Variants in NTN1 observed in about 807,000 individuals in gnomAD.
The protein encoded by NTN1 is netrin 1.
NTN1 carries 11 observed loss-of-function variants against 54.2 expected under a neutral mutation model. The ratio of observed to expected loss-of-function variants is 0.20; its 90% CI spans 0.13 to 0.34. The LOEUF is 0.34. Among genes scored for constraint, NTN1 ranks in the 10% least tolerant of loss-of-function variants. The pLI is 1.00. For synonymous variants in NTN1, 371 were observed against 382.0 expected, an observed-to-expected ratio of 0.97 and a Z score of 0.33; for missense variants, 740 against 893.1, an observed-to-expected ratio of 0.83 and a Z score of 2.18.
intron 2 of NTN1, among the ~76,000 whole-genome samples, chr17:9,029,887 G>A (rs2091883631): frequency 6.6e-6 from 1 of 152,020 alleles, no homozygotes; most frequent in Non-Finnish European, 1.5e-5. Flanking sequence ...AGCTACTTGG[G>A]AGGCCGAGGC....
chr17:9,229,435 G>A lies in NTN1; in HGVS notation c.1486+8193G>A, dbSNP rs77180826. Among the ~76,000 whole-genome samples, 694 of 152,032 alleles carry A rather than the reference G, an allele frequency of 4.6e-3. 8 individuals are homozygous for A. The highest frequency in any genetic ancestry group is 0.016 in the African/African-American group (659 of 41,440). ...GGATTTTCATTCCTGTCAATAGGAC[G>A]CTGAGACTCAACAAGATAAAATACT... is the stretch of plus-strand genomic sequence containing the variant. On this transcript the variant is annotated intron_variant, in intron 6 of 6. Transcript: ENST00000173229.
intron 5 of NTN1, among the ~76,000 whole-genome samples, chr17:9,194,120 T>C (rs987431247): frequency 5.6e-4 from 83 of 147,470 alleles, no homozygotes; most frequent in Non-Finnish European, 6.3e-4. Context: ...CCTGTAATCC[T>C]AGCTACTTGG....
chr17:9,197,619 C>G (rs1246073864), intron 5 of NTN1, among the ~76,000 whole-genome samples: 2 of 144,922 alleles, frequency 1.4e-5, no homozygotes, highest in Non-Finnish European at 3.0e-5. Context: ...GAGATCACAG[C>G]ACTGCACTCC....
chr17:9,074,429 G>A (rs1422748280), intron 2 of NTN1, among the ~76,000 whole-genome samples: 1 of 152,206 alleles, frequency 6.6e-6, no homozygotes, highest in Non-Finnish European at 1.5e-5. Flanking sequence ...CATGGAGCGG[G>A]TGAGTGAGTG....
At chr17:9,120,524 A>T (rs963089233) in intron 2 of NTN1, among the ~76,000 whole-genome samples, 2 of 152,180 alleles carry the variant, frequency 1.3e-5, no homozygotes, top group Admixed American at 6.5e-5. Flanking sequence ...TCTCCCCCAC[A>T]CAGGTCATAT....
intron 5 of NTN1, among the ~76,000 whole-genome samples, chr17:9,193,640 C>T (rs112628535): frequency 7.6e-4 from 115 of 152,228 alleles, no homozygotes; most frequent in African/African-American, 2.5e-3. Context: ...AAACATTATG[C>T]GGCTGGGCAC....
At chr17:9,193,384 G>A (rs1904520833) in intron 5 of NTN1, among the ~76,000 whole-genome samples, 1 of 152,116 alleles carries the variant, frequency 6.6e-6, no homozygotes. Context: ...CACATTTTGC[G>A]GTATTTGTTT....
At chr17:9,038,644 T>G (rs1462407334) in intron 2 of NTN1, among the ~76,000 whole-genome samples, 1 of 152,054 alleles carries the variant, frequency 6.6e-6, no homozygotes, top group Non-Finnish European at 1.5e-5. Flanking sequence ...TCTTTCCCCT[T>G]TCTCTATCCT....
intron 2 of NTN1, among the ~76,000 whole-genome samples, chr17:9,048,666 C>CT (rs757339942): frequency 2.1e-5 from 3 of 145,716 alleles, no homozygotes; most frequent in Non-Finnish European, 4.5e-5. Context: ...TTTTTTTTTT[C>CT]TTTTTTTTGA....
At chr17:9,012,199 A>G in the NTN1 span, among the ~76,000 whole-genome samples, 2 of 151,212 alleles carry the variant, frequency 1.3e-5, no homozygotes, top group African/African-American at 4.9e-5. Context: ...CATCCCTACC[A>G]CTCCCCATCT....
intron 2 of NTN1, among the ~76,000 whole-genome samples, chr17:9,036,906 C>T (rs957893340): frequency 1.6e-4 from 24 of 152,292 alleles, no homozygotes; most frequent in African/African-American, 5.8e-4. Flanking sequence ...GCCTACCCTC[C>T]AACCCTACTG....
intron 2 of NTN1, among the ~76,000 whole-genome samples, chr17:9,150,368 T>A (rs1192188111): frequency 6.6e-6 from 1 of 151,534 alleles, no homozygotes. Context: ...ATGAGAGGAA[T>A]GTCTGAAGAG....
chr17:9,039,741 C>T (rs750863885), intron 2 of NTN1, among the ~76,000 whole-genome samples: 54 of 152,188 alleles, frequency 3.5e-4, no homozygotes, highest in African/African-American at 1.1e-3. Flanking sequence ...TGGAATCATA[C>T]GGTACGTGTG....
In NTN1 at chr17:9,165,168, A is replaced by T. The variant is rs141331241; in HGVS notation, c.1207+2167A>T. ...GTCTGGGTGAGAAAGGGCACTGGTCACTTCCTGTCATGCCAGTTTCTGCTG... is the reference window on the plus strand; with the variant it reads ...GTCTGGGTGAGAAAGGGCACTGGTCTCTTCCTGTCATGCCAGTTTCTGCTG... On this transcript the variant is annotated intron_variant, in intron 3 of 6. Coordinates refer to ENST00000173229, the MANE Select transcript of NTN1 (RefSeq NM_004822.3). This position sits in a 1 kb window ranked among gnomAD's most constrained non-coding sequence, Gnocchi z 4.5. 6.6e-6 allele frequency among the ~76,000 whole-genome samples: 1 copy of T among 152,330 alleles called. No homozygotes were observed. The highest frequency in any genetic ancestry group is 2.4e-5 in the African/African-American group (1 of 41,582).
At chr17:9,050,246 C>CA (rs2091955956) in intron 2 of NTN1, among the ~76,000 whole-genome samples, 1 of 146,110 alleles carries the variant, frequency 6.8e-6, no homozygotes, top group African/African-American at 2.5e-5. Context: ...GACTCTGTCT[C>CA]AAAAAAATAA....
rs572221447 is a variant in NTN1, at chr17:9,126,014, G to T, written c.1019-36799G>T. On this transcript the variant is annotated intron_variant, in intron 2 of 6. Transcript: ENST00000173229. ...TCAAAGGTTGTCTAGCTGACAAGGG[G>T]CAGGGCCAGGCATCGTCCCCAGCCA... Among the ~76,000 whole-genome samples, 8 of 152,374 alleles carry T rather than the reference G, an allele frequency of 5.3e-5. No homozygotes were observed. In the South Asian group the frequency reaches 1.7e-3, roughly 32 times the overall value.
intron 6 of NTN1, among the ~76,000 whole-genome samples, chr17:9,232,378 G>T (rs1433142699): frequency 6.6e-6 from 1 of 152,222 alleles, no homozygotes; most frequent in East Asian, 1.9e-4. Context: ...GTGCAGAGCT[G>T]GACAGGCCAG....
intron 2 of NTN1, among the ~76,000 whole-genome samples, chr17:9,148,502 G>A (rs959575261): frequency 3.3e-5 from 5 of 152,196 alleles, no homozygotes; most frequent in African/African-American, 9.7e-5. Context: ...TAGGGATCTG[G>A]TGTGTCCTGG....
intron 2 of NTN1, among the ~76,000 whole-genome samples, chr17:9,111,109 T>C (rs1485981603): frequency 6.6e-6 from 1 of 152,032 alleles, no homozygotes; most frequent in Non-Finnish European, 1.5e-5. Context: ...GGCTAATTTT[T>C]GTATTTTTAG....
Sources: gnomAD v4.1 joint callset for allele counts (sites outside exome capture counted in the v4.1 genomes callset) on GRCh38, gnomAD v4.1.1 for gene constraint, Gnocchi (gnomAD v3.1) non-coding constraint, MANE v1.5 for transcripts, NCBI Gene and HGNC (gene_info 2026-07-23, HGNC 2026-07-21) for gene names.